The following KIF26A variants were observed in gnomAD, a reference collection of about 807,000 sequenced individuals.
KIF26A encodes the protein kinesin-like protein KIF26A.
KIF26A carries 74 observed loss-of-function variants against 126.0 expected under a neutral mutation model. The observed-to-expected ratio is 0.59, with a 90% confidence interval of 0.49 to 0.71. KIF26A has a LOEUF of 0.71. Among genes scored for constraint, KIF26A ranks in the 30% least tolerant of loss-of-function variants. The pLI is 0.00. For missense variants in KIF26A, 2,984 were observed against 2,763.3 expected (o/e 1.08, Z -1.79); for synonymous variants, 1,445 against 1,232.7 (o/e 1.17, Z -3.61).
chr14:104,179,958 C>T lies in KIF26A; in HGVS notation c.*168C>T, dbSNP rs1207141442. On this transcript the variant is annotated 3_prime_UTR_variant, in exon 15 of 15. Coordinates refer to ENST00000423312, the MANE Select transcript of KIF26A (RefSeq NM_015656.2). ...TGTGGGGGAGGGAGGGCCGGCCACG[C>T]GGTGGACAGAGCGAGGGTGCCAGGG... The T allele has an allele frequency of 1.1e-5, 8 of 718,408 alleles. No individual in the cohort carries two copies. Among genetic ancestry groups the T allele is most frequent in the Admixed American group, 6.6e-5 (2 of 30,370 alleles). 44.5% of individuals were successfully genotyped at this position (718,408 alleles called of 1,614,324 possible).
At position 104,175,108 on chromosome 14, in the gene KIF26A, C is replaced by T. The variant is rs376368077; in HGVS notation, c.2320C>T (p.Pro774Ser). The T allele has an allele frequency of 1.9e-5, 31 of 1,604,486 alleles. No individual in the cohort carries two copies. In the African/African-American group the frequency reaches 2.8e-4, roughly 15 times the overall value. ...LDPDRTPPCLPGDPDYSSSSE... is the reference protein window; with the variant it reads ...LDPDRTPPCLSGDPDYSSSSE... ...CCCCGACCGCACGCCTCCCTGCCTGCCCGGTGACCCCGATTACTCCTCCAG... is the reference window on the plus strand; with the variant it reads ...CCCCGACCGCACGCCTCCCTGCCTGTCCGGTGACCCCGATTACTCCTCCAG... Residue 774 changes from proline to serine, a missense_variant, in exon 12 of 15, where the codon CCC (proline) becomes TCC (serine). By Grantham distance (74) the Pro-to-Ser change is moderately conservative. Coordinates refer to ENST00000423312, the MANE Select transcript of KIF26A (RefSeq NM_015656.2).
chr14:104,148,239 G>T lies in KIF26A; in HGVS notation c.289-3776G>T, dbSNP rs1260808660. Among the ~76,000 whole-genome samples, 2 of 152,220 alleles carry T rather than the reference G, an allele frequency of 1.3e-5. No homozygotes were observed. Among genetic ancestry groups the T allele is most frequent in the Non-Finnish European group, 2.9e-5 (2 of 68,030 alleles). On this transcript the variant is annotated intron_variant, in intron 2 of 14. Transcript: ENST00000423312. The surrounding 1 kb of genome is among the most constrained non-coding windows in gnomAD (Gnocchi z 4.3). ...TAAAGAACAAAGTCATGATTTGTAAGTAGGGGGGAGACTCCCTAAAACCCA... is the reference window on the plus strand; with the variant it reads ...TAAAGAACAAAGTCATGATTTGTAATTAGGGGGGAGACTCCCTAAAACCCA...
chr14:104,150,062 G>A (rs1038958694), intron 2 of KIF26A, among the ~76,000 whole-genome samples: 2 of 152,082 alleles, frequency 1.3e-5, no homozygotes, highest in African/African-American at 2.4e-5. Flanking sequence ...CCCACTGGCC[G>A]CATCAGCAGA....
intron 10 of KIF26A, 57 bp from the exon 11 acceptor site, chr14:104,174,091 C>T (rs559824337): frequency 1.4e-6 from 2 of 1,472,390 alleles, no homozygotes; most frequent in Non-Finnish European, 1.8e-6. Context: ...CCTTGGCCAG[C>T]CTGTCCCCGA....
chr14:104,154,476 C>T (rs1421781723), intron 3 of KIF26A, among the ~76,000 whole-genome samples: 1 of 152,214 alleles, frequency 6.6e-6, no homozygotes, highest in Non-Finnish European at 1.5e-5. Flanking sequence ...TCCAGAGACT[C>T]CTGGGCTATG....
intron 4 of KIF26A, among the ~76,000 whole-genome samples, chr14:104,166,081 G>A (rs986679364): frequency 2.0e-5 from 3 of 152,118 alleles, no homozygotes; most frequent in Non-Finnish European, 4.4e-5. Context: ...GCAAGGCTGA[G>A]CCTCAGGGTG....
intron 4 of KIF26A, among the ~76,000 whole-genome samples, chr14:104,166,289 G>A (rs138781013): frequency 1.1e-4 from 17 of 152,268 alleles, no homozygotes; most frequent in East Asian, 3.9e-4. Flanking sequence ...TGGTAATCTC[G>A]ACAGCAGGAT....
intron 3 of KIF26A, among the ~76,000 whole-genome samples, chr14:104,153,166 G>C (rs1223746292): frequency 6.6e-6 from 1 of 152,092 alleles, no homozygotes; most frequent in Non-Finnish European, 1.5e-5. Context: ...CTGGGCTTTC[G>C]GCCTCCCTGT....
At chr14:104,167,581 G>A (rs971851798) in intron 5 of KIF26A, among the ~76,000 whole-genome samples, 2 of 152,264 alleles carry the variant, frequency 1.3e-5, no homozygotes, top group Non-Finnish European at 2.9e-5. Flanking sequence ...GCTCCTGGCT[G>A]TCCCTGGAGC....
chr14:104,178,694 AGATC>A lies in KIF26A; in HGVS notation c.5259_5262del (p.Ile1753MetfsTer59). ...GAGCCGTTCGAGATCAAGGTGTACG[AGATC>A]GATGACGTGGAGCGCCTTCAGCGGC... On this transcript the variant is annotated frameshift_variant, in exon 13 of 15. Coordinates refer to ENST00000423312, the MANE Select transcript of KIF26A (RefSeq NM_015656.2). LOFTEE classifies it high-confidence loss of function. The A allele has an allele frequency of 6.4e-7, 1 of 1,563,540 alleles. No individual in the cohort carries two copies. The highest frequency in any genetic ancestry group is 8.7e-7 in the Non-Finnish European group (1 of 1,154,426).
At chr14:104,167,610 G>GGCTT (rs1325641062) in intron 5 of KIF26A, among the ~76,000 whole-genome samples, 1 of 152,182 alleles carries the variant, frequency 6.6e-6, no homozygotes, top group African/African-American at 2.4e-5. Context: ...TGGGGCCTGT[G>GGCTT]GCTTGCTGGT....
chr14:104,169,159 G>A (rs757419529), intron 5 of KIF26A, among the ~76,000 whole-genome samples: 1 of 152,212 alleles, frequency 6.6e-6, no homozygotes, highest in Admixed American at 6.5e-5. Flanking sequence ...CCCTGGCCAC[G>A]TGGGCTGCAG....
intron 13 of KIF26A, 23 bp from the exon 14 acceptor site, chr14:104,179,213 C>T (rs1406768430): frequency 6.9e-6 from 10 of 1,441,096 alleles, no homozygotes; most frequent in Admixed American, 5.2e-5. Flanking sequence ...CATGCCTGAG[C>T]CCCCGCCCGC....
At chr14:104,163,261 C>T (rs2039102226) in intron 4 of KIF26A, among the ~76,000 whole-genome samples, 1 of 152,204 alleles carries the variant, frequency 6.6e-6, no homozygotes, top group African/African-American at 2.4e-5. Flanking sequence ...CCTGCCCAGT[C>T]TCCCTGCCCG....
intron 2 of KIF26A, among the ~76,000 whole-genome samples, chr14:104,147,155 T>A (rs552143575): frequency 6.6e-6 from 1 of 152,100 alleles, no homozygotes; most frequent in Non-Finnish European, 1.5e-5. Context: ...CTCTGAGCAT[T>A]GGGGCTCCTG....
chr14:104,158,570 C>G (rs1053596629), intron 4 of KIF26A, among the ~76,000 whole-genome samples: 3 of 152,210 alleles, frequency 2.0e-5, no homozygotes, highest in African/African-American at 7.2e-5. Flanking sequence ...TCTGACATCA[C>G]TTGGTTGCTT....
chr14:104,159,202 G>C (rs1408236827), intron 4 of KIF26A, among the ~76,000 whole-genome samples: 1 of 152,236 alleles, frequency 6.6e-6, no homozygotes, highest in East Asian at 1.9e-4. Flanking sequence ...TGGGACCCTG[G>C]TGGGAGCAGA....
intron 3 of KIF26A, among the ~76,000 whole-genome samples, chr14:104,154,733 G>A (rs887322856): frequency 6.6e-6 from 1 of 152,234 alleles, no homozygotes; most frequent in Non-Finnish European, 1.5e-5. Flanking sequence ...ACTGAGCTGC[G>A]AGACCGAGGC....
intron 2 of KIF26A, among the ~76,000 whole-genome samples, chr14:104,149,423 G>A (rs899863874): frequency 6.6e-6 from 1 of 152,194 alleles, no homozygotes; most frequent in Non-Finnish European, 1.5e-5. Flanking sequence ...TGCCTGGGCC[G>A]CCGCTGTTGC....
Sources: gnomAD v4.1 joint callset for allele counts (sites outside exome capture counted in the v4.1 genomes callset) on GRCh38, gnomAD v4.1.1 for gene constraint, Gnocchi (gnomAD v3.1) non-coding constraint, MANE v1.5 for transcripts, NCBI Gene and HGNC (gene_info 2026-07-23, HGNC 2026-07-21) for gene names.